The following ABCG2 variants were observed in gnomAD, a reference collection of about 807,000 sequenced individuals.
The protein encoded by ABCG2 is broad substrate specificity ATP-binding cassette transporter ABCG2.
ABCG2 carries 80 observed loss-of-function variants against 73.5 expected under a neutral mutation model. That is an observed-to-expected ratio of 1.09 (90% CI 0.91 to 1.31). The LOEUF is 1.31. ABCG2 is among the 50% of genes most tolerant of loss of function. ABCG2 has a pLI of 0.00. For missense variants in ABCG2, 796 were observed against 786.2 expected (o/e 1.01, Z -0.15); for synonymous variants, 269 against 282.4 (o/e 0.95, Z 0.48).
At chr4:88,188,952 G>T (rs1319626409) in intron 1 of ABCG2, among the ~76,000 whole-genome samples, 6 of 152,048 alleles carry the variant, frequency 3.9e-5, no homozygotes, top group African/African-American at 1.4e-4. Flanking sequence ...AGCAGAGGCT[G>T]CAACGAGCCA....
rs184150536 is a variant in ABCG2, at chr4:88,099,023, G to A, written c.1492+301C>T. ...AGGTAGGAGGATCACTGGAGCCCAGGAGGTTGAGGCTGCAGTGAGATATGA... is the reference window on the plus strand; with the variant it reads ...AGGTAGGAGGATCACTGGAGCCCAGAAGGTTGAGGCTGCAGTGAGATATGA... On this transcript the variant is annotated intron_variant, in intron 12 of 15. Transcript: ENST00000237612. Among the ~76,000 whole-genome samples, 7 of 152,294 alleles carry A rather than the reference G, an allele frequency of 4.6e-5. 1 individual carries two copies. Among genetic ancestry groups the A allele is most frequent in the Admixed American group, 1.3e-4 (2 of 15,290 alleles).
upstream of ABCG2, among the ~76,000 whole-genome samples, chr4:88,162,977 T>G (rs1727374273): frequency 6.6e-6 from 1 of 152,202 alleles, no homozygotes; most frequent in Non-Finnish European, 1.5e-5. Context: ...AAGGCCCCAG[T>G]ATGCTACATT....
Position 88,090,270 on chromosome 4 carries a change from ATAAT to A in ABCG2, c.*1960_*1963del, listed in dbSNP as rs1201105312. The A allele has an allele frequency of 4.6e-5, 7 of 152,242 alleles. No individual in the cohort carries two copies. The highest frequency in any genetic ancestry group is 3.9e-4 in the Admixed American group (6 of 15,296). 9.4% of individuals were successfully genotyped at this position (152,242 alleles called of 1,614,324 possible). On this transcript the variant is annotated 3_prime_UTR_variant, in exon 16 of 16. Coordinates refer to ENST00000237612, the MANE Select transcript of ABCG2 (RefSeq NM_004827.3). ...AAAAAAAGAATACATAAAATAGGAT[ATAAT>A]TAAATTCTCATTTATTTAAAAAGTT...
intron 7 of ABCG2, among the ~76,000 whole-genome samples, chr4:88,116,049 G>A (rs1298893209): frequency 6.6e-6 from 1 of 152,104 alleles, no homozygotes; most frequent in African/African-American, 2.4e-5. Context: ...ACAAAAATTA[G>A]CCAGGTGCAT....
intron 1 of ABCG2, among the ~76,000 whole-genome samples, chr4:88,177,111 G>A (rs975455819): frequency 2.6e-5 from 4 of 152,126 alleles, no homozygotes; most frequent in Admixed American, 2.0e-4. Flanking sequence ...AGTGGCTCAC[G>A]CCTGTAATCC....
chr4:88,172,021 T>C (rs771972178), intron 1 of ABCG2, among the ~76,000 whole-genome samples: 8 of 151,114 alleles, frequency 5.3e-5, no homozygotes. Context: ...TAAGGCTGGG[T>C]GCGTTGGCTC....
intron 10 of ABCG2, among the ~76,000 whole-genome samples, chr4:88,105,340 C>G (rs1222064452): frequency 6.6e-6 from 1 of 152,136 alleles, no homozygotes; most frequent in Admixed American, 6.6e-5. Context: ...ACCATCTACC[C>G]CCTCTAAATC....
Position 88,145,833 on chromosome 4 carries a change from G to A in ABCG2, c.-19-5819C>T, listed in dbSNP as rs184526637. Among the ~76,000 whole-genome samples the A allele has an allele frequency of 5.1e-3, 589 of 114,978 alleles. 3 individuals carry two copies. Among genetic ancestry groups the A allele is most frequent in the African/African-American group, 0.015 (548 of 36,432 alleles). The allele number at this position is 114,978 out of a possible 152,430, so 75.4% of individuals were successfully genotyped here. Reference sequence around the variant, plus strand: ...TGTGCATTTTTGATCCCAGCTACTCGGGACGGCAGGAGAATCGCTTGAATT... The same window carrying A: ...TGTGCATTTTTGATCCCAGCTACTCAGGACGGCAGGAGAATCGCTTGAATT... On this transcript the variant is annotated intron_variant, in intron 1 of 15. Coordinates refer to ENST00000237612, the MANE Select transcript of ABCG2 (RefSeq NM_004827.3).
At chr4:88,190,470 T>A (rs1449571337) in intron 1 of ABCG2, among the ~76,000 whole-genome samples, 1 of 152,202 alleles carries the variant, frequency 6.6e-6, no homozygotes, top group African/African-American at 2.4e-5. Flanking sequence ...TAGGAGGGCA[T>A]CTGGTTAATT....
upstream of ABCG2, among the ~76,000 whole-genome samples, chr4:88,161,064 C>T (rs1449886430): frequency 6.6e-6 from 1 of 151,796 alleles, no homozygotes; most frequent in Non-Finnish European, 1.5e-5. Context: ...CACCTGTAAT[C>T]CCAGCACTTT....
At chr4:88,202,349 A>ATT (rs879786904) in intron 1 of ABCG2, among the ~76,000 whole-genome samples, 7 of 6,460 alleles carry the variant, frequency 1.1e-3, no homozygotes, top group African/African-American at 2.2e-3. Context: ...CATCTCTACA[A>ATT]TTATTTATAT....
Position 88,110,813 on chromosome 4 carries a change from CA to C in ABCG2, c.1194+2489del, listed in dbSNP as rs898340234. ...AAAATATTTACTACCTGATCCTTTA[CA>C]AAAAAAAAAAATATATATTGCCTAC... On this transcript the variant is annotated intron_variant, in intron 9 of 15. Transcript: ENST00000237612. 7.7e-3 allele frequency among the ~76,000 whole-genome samples: 994 copies of C among 129,174 alleles called. 9 individuals are homozygous for C. The highest frequency in any genetic ancestry group is 0.018 in the African/African-American group (711 of 38,676). The allele number at this position is 129,174 out of a possible 152,430, so 84.7% of individuals were successfully genotyped here. A position where few individuals can be genotyped will look rare whatever the true frequency, so the allele number is the denominator to read the frequency against.
chr4:88,115,635 A>G (rs915258225), intron 7 of ABCG2, among the ~76,000 whole-genome samples: 149 of 151,534 alleles, frequency 9.8e-4, no homozygotes, highest in Non-Finnish European at 1.1e-3. Flanking sequence ...AAAAAAAAAA[A>G]AAAGAAAGAA....
intron 9 of ABCG2, among the ~76,000 whole-genome samples, chr4:88,109,666 T>C (rs1722998059): frequency 6.6e-6 from 1 of 152,230 alleles, no homozygotes; most frequent in African/African-American, 2.4e-5. Flanking sequence ...TTCTAAGATT[T>C]TCCAAATACA....
At chr4:88,165,979 A>C (rs1266072715) in intron 1 of ABCG2, among the ~76,000 whole-genome samples, 1 of 152,218 alleles carries the variant, frequency 6.6e-6, no homozygotes, top group East Asian at 1.9e-4. Flanking sequence ...ATTCTAGGGA[A>C]TAAGACATGG....
intron 1 of ABCG2, among the ~76,000 whole-genome samples, chr4:88,167,529 T>C (rs1160759786): frequency 6.6e-6 from 1 of 152,044 alleles, no homozygotes; most frequent in African/African-American, 2.4e-5. Context: ...TGCGTCACCA[T>C]GCCCAGCTAA....
At chr4:88,114,788 A>C (rs1723412018) in intron 8 of ABCG2, among the ~76,000 whole-genome samples, 169 bp downstream of exon 8, 1 of 152,194 alleles carries the variant, frequency 6.6e-6, no homozygotes, top group Admixed American at 6.5e-5. Context: ...TTTATAAATT[A>C]ATCAAAAACA....
At chr4:88,166,225 C>A (rs922524671) in intron 1 of ABCG2, among the ~76,000 whole-genome samples, 1 of 152,210 alleles carries the variant, frequency 6.6e-6, no homozygotes, top group Non-Finnish European at 1.5e-5. Flanking sequence ...AGCTTCACTG[C>A]CAGTAAGGAG....
rs534657169 is a variant in ABCG2, at chr4:88,229,342, T to C, written c.-20+1652A>G. ...TGACAAATGGCTTCAGCATCTTCAC[T>C]AGAACAACAAAATTGGCTGGACACA... is the stretch of plus-strand genomic sequence containing the variant. On this transcript the variant is annotated intron_variant, in intron 1 of 15. Transcript: ENST00000515655. Among the ~76,000 whole-genome samples, 22 of 152,134 alleles carry C rather than the reference T, an allele frequency of 1.4e-4. 1 individual carries two copies. In the South Asian group the frequency reaches 4.4e-3, roughly 30 times the overall value.
Sources: gnomAD v4.1 joint callset for allele counts (sites outside exome capture counted in the v4.1 genomes callset) on GRCh38, gnomAD v4.1.1 for gene constraint, MANE v1.5 for transcripts, NCBI Gene and HGNC (gene_info 2026-07-23, HGNC 2026-07-21) for gene names.